Variants in CYP2F1 observed in about 807,000 individuals in gnomAD.
CYP2F1 encodes the protein cytochrome P450 2F1.
CYP2F1 carries 33 observed loss-of-function variants against 40.4 expected under a neutral mutation model. The ratio of observed to expected loss-of-function variants is 0.82; its 90% confidence interval spans 0.62 to 1.09. The LOEUF (loss-of-function observed/expected upper bound fraction) is 1.09. CYP2F1 is among the 50% of genes least tolerant of loss of function. CYP2F1 has a pLI of 0.00. For missense variants in CYP2F1, 566 were observed against 655.7 expected (o/e 0.86, Z 1.49); for synonymous variants, 235 against 277.2 (o/e 0.85, Z 1.51).
At chr19:41,126,799 T>G (rs1318169470) in intron 9 of CYP2F1, among the ~76,000 whole-genome samples, 1 of 151,928 alleles carries the variant, frequency 6.6e-6, no homozygotes, top group South Asian at 2.1e-4. Context: ...TATATAAAAA[T>G]TTTAAAAGAA....
intron 4 of CYP2F1, among the ~76,000 whole-genome samples, chr19:41,121,003 T>G (rs117659286): frequency 0.064 from 9,706 of 152,046 alleles, 459 homozygotes; most frequent in Admixed American, 0.14. Context: ...ATTATGTAGC[T>G]GTATGCTGGC....
intron 3 of CYP2F1, among the ~76,000 whole-genome samples, chr19:41,117,911 G>A (rs769946361): frequency 2.6e-5 from 4 of 151,848 alleles, no homozygotes; most frequent in Admixed American, 6.6e-5. Flanking sequence ...AAGCAATGAC[G>A]CAATCTCAGC....
Position 41,121,526 on chromosome 19 carries a change from G to C in CYP2F1, c.553G>C (p.Gly185Arg), listed in dbSNP as rs773625034. ...CAACATTATCTGTTCCGTGCTCTTC[G>C]GCAGCCGCTTCGACTATGATGATGA... The part of the protein sequence containing the change: ...VSNIICSVLF[G>R]SRFDYDDERL... The change falls in exon 5 of 10, where the codon GGC becomes CGC. Residue 185 changes from glycine (G) to arginine (R), a missense_variant. Gly to Arg is a moderately radical substitution (Grantham distance 125). Around this residue, in one of 5 missense-constraint regions of CYP2F1, gnomAD observed 264 missense variants for 275.7 expected, o/e 0.96. Coordinates refer to ENST00000331105, the MANE Select transcript of CYP2F1 (RefSeq NM_000774.5). 1 of 1,609,662 alleles carries C rather than the reference G, an allele frequency of 6.2e-7. No homozygotes were observed. The highest frequency in any genetic ancestry group is 1.1e-5 in the South Asian group (1 of 90,870).
chr19:41,119,397 G>A (rs1232952060), intron 3 of CYP2F1, among the ~76,000 whole-genome samples: 1 of 152,046 alleles, frequency 6.6e-6, no homozygotes, highest in Non-Finnish European at 1.5e-5. Context: ...TGGATCTCCT[G>A]AGGTCAGGAG....
At chr19:41,123,830 G>A (rs868803947) in intron 7 of CYP2F1, among the ~76,000 whole-genome samples, 26 of 151,952 alleles carry the variant, frequency 1.7e-4, no homozygotes, top group South Asian at 1.2e-3. Context: ...GCCTCCACCC[G>A]CTTAGTCTTG....
rs538039196 is a variant in CYP2F1, at chr19:41,127,959, C to T, written c.1353C>T (p.Thr451=). The T allele has an allele frequency of 6.2e-5, 100 of 1,612,358 alleles. 1 individual carries two copies. In the East Asian group the frequency reaches 7.4e-4, roughly 12 times the overall value. ...LARMELFLYL[T]AILQSFSLQP... is the part of the protein sequence containing the mutation. ...GCATGGAGCTCTTTCTGTACCTCACCGCCATCCTGCAGAGCTTTTCGCTGC... is the reference window on the plus strand; with the variant it reads ...GCATGGAGCTCTTTCTGTACCTCACTGCCATCCTGCAGAGCTTTTCGCTGC... Residue 451 remains threonine, a synonymous_variant, in exon 10 of 10, where the codon ACC becomes ACT. Coordinates refer to ENST00000331105, the MANE Select transcript of CYP2F1 (RefSeq NM_000774.5).
rs554529195 is a variant in CYP2F1 at position 41,118,209 on chromosome 19, A to G, written c.334+1592A>G. Among the ~76,000 whole-genome samples the G allele has an allele frequency of 3.9e-5, 6 of 152,116 alleles. No individual in the cohort carries two copies. In the South Asian group the frequency reaches 1.2e-3, roughly 32 times the overall value. ...GAAGCTATGTGACAAGACCCAATAAATGATGGAAGGAAGGAGGGACCAACA... is the reference window on the plus strand; with the variant it reads ...GAAGCTATGTGACAAGACCCAATAAGTGATGGAAGGAAGGAGGGACCAACA... On this transcript the variant is annotated intron_variant, in intron 3 of 9. Transcript: ENST00000331105.
At chr19:41,117,343 G>T (rs2031880124) in intron 3 of CYP2F1, among the ~76,000 whole-genome samples, 1 of 151,956 alleles carries the variant, frequency 6.6e-6, no homozygotes. Context: ...TGTTGGTCAG[G>T]CTGGTCTCAA....
chr19:41,124,670 C>G (rs1169971152), intron 7 of CYP2F1, 49 bp from the exon 8 acceptor site: 2 of 1,546,808 alleles, frequency 1.3e-6, no homozygotes, highest in Non-Finnish European at 1.7e-6. Context: ...CCTGGTTGCC[C>G]TGTCGCGCCC....
chr19:41,128,082 A>C lies in CYP2F1; in HGVS notation c.1476A>C (p.Ter492TyrextTer12), dbSNP rs1303751764. Residue 492 changes from the stop codon to tyrosine, a stop_lost, in exon 10 of 10, where the codon TAA becomes TAC. Transcript: ENST00000331105. ...RPFQLCLRPR[*>Y] ...TCCAGCTGTGCCTGCGCCCGCGCTA[A>C]CGCCCCGGCCCTTCCAGATTCGCCT... The C allele has an allele frequency of 6.2e-7, 1 of 1,602,112 alleles. No homozygotes were observed. Among genetic ancestry groups the C allele is most frequent in the Non-Finnish European group, 8.5e-7 (1 of 1,175,038 alleles).
chr19:41,119,989 G>GACA (rs1392464135), intron 3 of CYP2F1, among the ~76,000 whole-genome samples: 1 of 151,742 alleles, frequency 6.6e-6, no homozygotes, highest in East Asian at 1.9e-4. Flanking sequence ...CCTCCTGTGT[G>GACA]ACACCCTCTG....
At chr19:41,122,740 G>A in intron 6 of CYP2F1, 82 bp from the exon 7 acceptor site, 3 of 1,381,110 alleles carry the variant, frequency 2.2e-6, no homozygotes, top group South Asian at 1.9e-5. Flanking sequence ...GGGACCGAAT[G>A]GGCCCCCAGC....
In CYP2F1 at chr19:41,122,682, C is replaced by G. The variant is rs1195995992; in HGVS notation, c.823-140C>G. ...GCAGCTGAGATTTTCCCTGCCCTGC[C>G]CTTCTCCGTTCCCCAGCTCTCCCAG... On this transcript the variant is annotated intron_variant, in intron 6 of 9. Transcript: ENST00000331105. 4 of 811,084 alleles carry G rather than the reference C, an allele frequency of 4.9e-6. No individual in the cohort carries two copies. In the African/African-American group the frequency reaches 7.0e-5, roughly 14 times the overall value. 50.2% of individuals were successfully genotyped at this position (811,084 alleles called of 1,614,324 possible).
chr19:41,116,492 T>A lies in CYP2F1; in HGVS notation c.209T>A (p.Leu70Gln). ...TATGGCTCCATGTACACAGTGCACC[T>A]GGGACCCAGGCGGGTGGTGGTCCTC... The part of the protein sequence containing the change: ...KEYGSMYTVH[L>Q]GPRRVVVLSG... Residue 70 changes from leucine to glutamine, a missense_variant, in exon 3 of 10, where the codon CTG (leucine) becomes CAG (glutamine). Physicochemically the swap from Leu to Gln is moderately radical, Grantham distance 113. Transcript: ENST00000331105. 1 of 1,613,926 alleles carries A rather than the reference T, an allele frequency of 6.2e-7. No individual in the cohort carries two copies. The highest frequency in any genetic ancestry group is 8.5e-7 in the Non-Finnish European group (1 of 1,179,928).
Position 41,116,300 on chromosome 19 carries a change from T to C in CYP2F1, c.112T>C (p.Ser38Pro), listed in dbSNP as rs58285195. 0.051 allele frequency: 82,882 copies of C among 1,613,866 alleles called. 2,511 individuals are homozygous for C. The highest frequency in any genetic ancestry group is 0.12 in the Admixed American group (7,177 of 59,954). The stretch of plus-strand genomic sequence containing the variant: ...GCTGCCTCCGGGACCCAGACCCCTC[T>C]CAATCCTGGGAAACCTGCTGCTGCT... ...GKLPPGPRPL[S>P]ILGNLLLLCS... The change falls in exon 2 of 10, where the codon TCA becomes CCA. Residue 38 changes from serine to proline, a missense_variant. By Grantham distance (74) the Ser-to-Pro change is moderately conservative. Coordinates refer to ENST00000331105, the MANE Select transcript of CYP2F1 (RefSeq NM_000774.5).
chr19:41,120,499 C>G lies in CYP2F1; in HGVS notation c.484+3C>G, dbSNP rs758796109. The G allele has an allele frequency of 6.2e-7, 1 of 1,610,834 alleles. No homozygotes were observed. The highest frequency in any genetic ancestry group is 2.2e-5 in the East Asian group (1 of 44,836). ...GGCGGAGCTGCGGAAAACTGAAGGTCAGGAATTTTTTTTAACAGGCTGGAT... is the reference window on the plus strand; with the variant it reads ...GGCGGAGCTGCGGAAAACTGAAGGTGAGGAATTTTTTTTAACAGGCTGGAT... On this transcript the variant is annotated splice_donor_region_variant and intron_variant, in intron 4 of 9. Transcript: ENST00000331105.
chr19:41,127,771 A>G (rs2032600870), intron 9 of CYP2F1, 130 bp from the exon 10 acceptor site: 2 of 706,200 alleles, frequency 2.8e-6, no homozygotes, highest in African/African-American at 3.6e-5. Flanking sequence ...CCAGTTCTTT[A>G]CATGGGTGAA....
rs1246141630 is a variant in CYP2F1 at position 41,121,578 on chromosome 19, T to C, written c.605T>C (p.Ile202Thr). The change falls in exon 5 of 10, where the codon ATC becomes ACC. Residue 202 changes from isoleucine to threonine, a missense_variant. Physicochemically the swap from Ile to Thr is moderately conservative, Grantham distance 89. Coordinates refer to ENST00000331105, the MANE Select transcript of CYP2F1 (RefSeq NM_000774.5). ...DERLLTIIRL[I>T]NDNFQIMSSP... is the part of the protein sequence containing the mutation. ...CGTCTGCTCACCATTATCCGCCTTA[T>C]CAATGACAACTTCCAAATCATGAGC... is the stretch of plus-strand genomic sequence containing the variant. 4.3e-6 allele frequency: 7 copies of C among 1,610,246 alleles called. No homozygotes were observed. The highest frequency in any genetic ancestry group is 5.9e-6 in the Non-Finnish European group (7 of 1,179,754).
chr19:41,125,304 A>G (rs570303929), intron 8 of CYP2F1, 189 bp from the exon 9 acceptor site: 40 of 597,562 alleles, frequency 6.7e-5, no homozygotes, highest in Middle Eastern at 4.6e-4. Context: ...CCAATAATAC[A>G]GCATATAGCA....
Sources: allele counts gnomAD v4.1 joint callset (sites outside exome capture counted in the v4.1 genomes callset), GRCh38; gene constraint gnomAD v4.1.1; regional missense constraint gnomAD v4.1.1; transcripts MANE v1.5; gene names NCBI Gene and HGNC (gene_info 2026-07-23, HGNC 2026-07-21).